SP4: variants seen among roughly 807,000 people sequenced by gnomAD.
The protein encoded by SP4 is transcription factor Sp4.
A neutral mutation model predicts 72.8 loss-of-function variants in SP4; 19 were observed. That is an observed-to-expected ratio of 0.26 (90% CI 0.18 to 0.38). SP4 has a LOEUF of 0.38. SP4 is among the 10% of genes least tolerant of loss of function. SP4 has a pLI of 1.00. For synonymous variants in SP4, 395 were observed against 333.1 expected (o/e 1.19, Z -2.02); for missense variants, 1,008 against 926.3 (o/e 1.09, Z -1.14).
intron 3 of SP4, among the ~76,000 whole-genome samples, chr7:21,455,271 A>C (rs1469377814): frequency 1.3e-5 from 2 of 152,188 alleles, no homozygotes; most frequent in African/African-American, 4.8e-5. Flanking sequence ...CACCACTTGC[A>C]ATTAACTGAA....
At chr7:21,495,740 T>A (rs968347547) in intron 5 of SP4, among the ~76,000 whole-genome samples, 2 of 152,188 alleles carry the variant, frequency 1.3e-5, no homozygotes, top group Admixed American at 1.3e-4. Flanking sequence ...CAAATCTACT[T>A]CTGAGTATTT....
At chr7:21,446,522 G>T (rs1783432573) in intron 3 of SP4, among the ~76,000 whole-genome samples, 3 of 152,072 alleles carry the variant, frequency 2.0e-5, no homozygotes, top group Non-Finnish European at 4.4e-5. Flanking sequence ...TGGGAATGGA[G>T]GTCTTGGTTT....
chr7:21,508,369 C>T (rs113417163), intron 5 of SP4, among the ~76,000 whole-genome samples: 1,718 of 152,280 alleles, frequency 0.011, 30 homozygotes, highest in African/African-American at 0.035. Flanking sequence ...GCAGTTACAG[C>T]AGGTAATTTA....
At chr7:21,458,479 C>A (rs550134749) in intron 3 of SP4, among the ~76,000 whole-genome samples, 1 of 152,212 alleles carries the variant, frequency 6.6e-6, no homozygotes, top group Non-Finnish European at 1.5e-5. Flanking sequence ...CCACTGCGTC[C>A]GGCCAGTTTA....
At chr7:21,458,047 G>A (rs1783826913) in intron 3 of SP4, among the ~76,000 whole-genome samples, 1 of 152,162 alleles carries the variant, frequency 6.6e-6, no homozygotes, top group Non-Finnish European at 1.5e-5. Context: ...AACTTTCGAA[G>A]AAGAAATGTT....
intron 1 of SP4, among the ~76,000 whole-genome samples, chr7:21,428,466 G>A (rs892278045): frequency 2.0e-5 from 3 of 152,146 alleles, no homozygotes; most frequent in African/African-American, 7.2e-5. Context: ...GTGTTGCTCT[G>A]GAGCCGATGG....
chr7:21,485,647 A>C (rs1174382891), intron 5 of SP4, among the ~76,000 whole-genome samples: 1 of 152,002 alleles, frequency 6.6e-6, no homozygotes, highest in African/African-American at 2.4e-5. Flanking sequence ...ATTCTTTTGA[A>C]AAACTGTATG....
chr7:21,471,786 AT>A (rs978817178), intron 3 of SP4, among the ~76,000 whole-genome samples: 2 of 152,200 alleles, frequency 1.3e-5, no homozygotes, highest in African/African-American at 4.8e-5. Context: ...GTAAGCCATG[AT>A]TGTGCCGCTG....
intron 3 of SP4, among the ~76,000 whole-genome samples, chr7:21,467,468 T>G (rs1442008042): frequency 6.6e-6 from 1 of 152,116 alleles, no homozygotes; most frequent in East Asian, 1.9e-4. Context: ...TTTAGAACAT[T>G]TATATGACCT....
intron 1 of SP4, 83 bp downstream of exon 1, chr7:21,428,341 T>C: frequency 2.8e-6 from 2 of 712,716 alleles, no homozygotes; most frequent in East Asian, 2.8e-5. Flanking sequence ...TTCTCCCCCC[T>C]CCCCCGGGGC....
At chr7:21,492,828 G>A (rs571852381) in intron 5 of SP4, among the ~76,000 whole-genome samples, 11 of 152,296 alleles carry the variant, frequency 7.2e-5, no homozygotes, top group Admixed American at 4.6e-4. Context: ...AGCAGAATGT[G>A]TATTTTATTC....
intron 3 of SP4, among the ~76,000 whole-genome samples, chr7:21,470,739 T>C (rs751405616): frequency 1.4e-5 from 2 of 139,442 alleles, no homozygotes; most frequent in African/African-American, 2.7e-5. Flanking sequence ...TGGCCCAGTT[T>C]CTATATTTGG....
At chr7:21,449,049 C>T (rs1380147841) in intron 3 of SP4, among the ~76,000 whole-genome samples, 1 of 152,162 alleles carries the variant, frequency 6.6e-6, no homozygotes, top group Non-Finnish European at 1.5e-5. Context: ...CCAACCAATC[C>T]AGAGCCTGCA....
At chr7:21,432,340 A>G (rs1470051858) in intron 3 of SP4, among the ~76,000 whole-genome samples, 1 of 152,222 alleles carries the variant, frequency 6.6e-6, no homozygotes, top group Non-Finnish European at 1.5e-5. Context: ...TAATTGTAGT[A>G]TTTCAGAAAA....
chr7:21,439,514 C>CT (rs1326184441), intron 3 of SP4, among the ~76,000 whole-genome samples: 3,539 of 143,838 alleles, frequency 0.025, 68 homozygotes, highest in East Asian at 0.08. Flanking sequence ...CTTTTCTTTC[C>CT]TTTTTTTTTT....
intron 3 of SP4, among the ~76,000 whole-genome samples, chr7:21,437,650 C>A (rs1017467219): frequency 1.3e-5 from 2 of 152,066 alleles, no homozygotes; most frequent in Non-Finnish European, 2.9e-5. Flanking sequence ...TAGTAAGATA[C>A]ATTTAACAGG....
chr7:21,436,624 T>C (rs1783059012), intron 3 of SP4, among the ~76,000 whole-genome samples: 1 of 152,156 alleles, frequency 6.6e-6, no homozygotes, highest in Admixed American at 6.5e-5. Flanking sequence ...AATATCAGAG[T>C]GTACACATAT....
intron 5 of SP4, among the ~76,000 whole-genome samples, chr7:21,495,933 T>C (rs534128782): frequency 7.9e-5 from 12 of 152,260 alleles, no homozygotes; most frequent in Non-Finnish European, 1.3e-4. Flanking sequence ...GAATGAATTA[T>C]TAATAAACAG....
chr7:21,470,660 G>A (rs1048327812), intron 3 of SP4, among the ~76,000 whole-genome samples: 2 of 147,836 alleles, frequency 1.4e-5, no homozygotes, highest in Admixed American at 6.9e-5. Context: ...CAACAAGCTA[G>A]ATCTTGTTGA....
Sources: allele counts gnomAD v4.1 joint callset (sites outside exome capture counted in the v4.1 genomes callset), GRCh38; gene constraint gnomAD v4.1.1; transcripts MANE v1.5; gene names NCBI Gene and HGNC (gene_info 2026-07-23, HGNC 2026-07-21).